Variants in GRM5 observed in about 807,000 individuals in gnomAD.
GRM5 encodes the protein glutamate metabotropic receptor 5, also known as metabotropic glutamate receptor 5.
In GRM5, 19 loss-of-function variants were observed where a neutral mutation model predicts 83.1. The observed-to-expected ratio is 0.23, with a 90% CI of 0.16 to 0.34. The LOEUF (loss-of-function observed/expected upper bound fraction) is 0.34, where lower values mean the gene tolerates loss of function less well. Among genes scored for constraint, GRM5 ranks in the 10% least tolerant of loss-of-function variants. GRM5 has a pLI of 1.00. For missense variants in GRM5, 1,160 were observed against 1,588.3 expected (o/e 0.73, Z 4.58); for synonymous variants, 675 against 633.6 (o/e 1.07, Z -0.98).
At chr11:89,004,027 G>A (rs990983440) in intron 2 of GRM5, among the ~76,000 whole-genome samples, 27 of 152,122 alleles carry the variant, frequency 1.8e-4, no homozygotes, top group African/African-American at 5.8e-4. Context: ...GAACATTGAA[G>A]GGTAGGCAAG....
Position 88,525,302 on chromosome 11 carries a change from T to G in GRM5, c.2726+7A>C. ...ACACCACCTCAGGCCACTCATAGTT[T>G]GCTTACCTGCTCATTGTTGCTCTCC... On this transcript the variant is annotated splice_region_variant and intron_variant, in intron 9 of 9. Transcript: ENST00000305447. 1.9e-6 allele frequency: 3 copies of G among 1,544,258 alleles called. No individual in the cohort carries two copies. The highest frequency in any genetic ancestry group is 2.7e-6 in the Non-Finnish European group (3 of 1,116,952).
chr11:88,934,208 GAA>G (rs1358817026), intron 2 of GRM5, among the ~76,000 whole-genome samples: 4 of 151,772 alleles, frequency 2.6e-5, no homozygotes, highest in African/African-American at 9.7e-5. Flanking sequence ...TTTTAATACA[GAA>G]AGATTTTCAA....
chr11:88,942,951 G>T (rs183111912), intron 2 of GRM5, among the ~76,000 whole-genome samples: 1 of 152,116 alleles, frequency 6.6e-6, no homozygotes, highest in East Asian at 1.9e-4. Flanking sequence ...CATCTATCAA[G>T]CAAGCAACTT....
chr11:88,833,339 CA>C (rs1176130527), intron 3 of GRM5, among the ~76,000 whole-genome samples: 2 of 151,918 alleles, frequency 1.3e-5, no homozygotes, highest in African/African-American at 2.4e-5. Context: ...CATGAACAGA[CA>C]TTTCTCAAAG....
At chr11:88,510,700 G>A (rs553748013) in intron 9 of GRM5, among the ~76,000 whole-genome samples, 1 of 152,282 alleles carries the variant, frequency 6.6e-6, no homozygotes, top group East Asian at 1.9e-4. Context: ...ATTTTTAGTA[G>A]ATACGGGGTT....
At chr11:88,848,579 A>G (rs1272113891) in intron 3 of GRM5, among the ~76,000 whole-genome samples, 1 of 152,234 alleles carries the variant, frequency 6.6e-6, no homozygotes, top group Non-Finnish European at 1.5e-5. Context: ...ATAAAAAGAT[A>G]TATGGTACAT....
intron 5 of GRM5, among the ~76,000 whole-genome samples, chr11:88,598,563 A>G (rs1937885952): frequency 6.6e-6 from 1 of 152,100 alleles, no homozygotes; most frequent in Admixed American, 6.6e-5. Flanking sequence ...AATCAAAAAT[A>G]CCAATTTATA....
At chr11:88,806,774 C>G (rs971361037) in intron 3 of GRM5, among the ~76,000 whole-genome samples, 1 of 151,960 alleles carries the variant, frequency 6.6e-6, no homozygotes, top group Non-Finnish European at 1.5e-5. Flanking sequence ...TTTTTGGTAT[C>G]CTGTGAAACT....
chr11:88,643,225 C>T (rs1296427744), intron 4 of GRM5, among the ~76,000 whole-genome samples: 5 of 151,692 alleles, frequency 3.3e-5, no homozygotes, highest in Admixed American at 3.3e-4. Flanking sequence ...CATCATATGG[C>T]CAGAGCAGGA....
chr11:88,943,736 AC>A (rs35308301), intron 2 of GRM5, among the ~76,000 whole-genome samples: 4,528 of 152,128 alleles, frequency 0.03, 82 homozygotes, highest in Middle Eastern at 0.065. Context: ...ATTTGCTTTT[AC>A]CTCAACATAT....
At chr11:88,636,191 C>T (rs1214926660) in intron 4 of GRM5, among the ~76,000 whole-genome samples, 2 of 152,122 alleles carry the variant, frequency 1.3e-5, no homozygotes, top group Non-Finnish European at 2.9e-5. Context: ...CCTTTCCTGA[C>T]CACAGGGAAA....
intron 1 of GRM5, among the ~76,000 whole-genome samples, chr11:89,061,947 T>C (rs1942003658): frequency 6.6e-6 from 1 of 152,184 alleles, no homozygotes; most frequent in African/African-American, 2.4e-5. Flanking sequence ...TAGAGAAAGC[T>C]TTTTCTCTTA....
chr11:88,994,485 A>ATATATATATG (rs1491507869), intron 2 of GRM5, among the ~76,000 whole-genome samples: 6 of 123,478 alleles, frequency 4.9e-5, no homozygotes, highest in African/African-American at 1.5e-4. Context: ...ATATATATAT[A>ATATATATATG]TTACAATTGC....
chr11:88,711,751 C>T (rs982572381), intron 3 of GRM5, among the ~76,000 whole-genome samples: 7 of 151,856 alleles, frequency 4.6e-5, no homozygotes, highest in African/African-American at 1.7e-4. Flanking sequence ...AAAATGCTTC[C>T]TCTCCTGACT....
intron 3 of GRM5, among the ~76,000 whole-genome samples, chr11:88,662,828 A>G (rs748099049): frequency 6.6e-6 from 1 of 152,148 alleles, no homozygotes; most frequent in Non-Finnish European, 1.5e-5. Flanking sequence ...ACTCAAGCCT[A>G]CACCCACAGA....
intron 4 of GRM5, among the ~76,000 whole-genome samples, chr11:88,608,514 A>ATTTTTTTTTTTTTTTTTTTTTTTTTTTTT (rs35701224): frequency 1.0e-5 from 1 of 98,644 alleles, no homozygotes. Context: ...GAAAACAGGG[A>ATTTTTTTTTTTTTTTTTTTTTTTTTTTTT]TTTTTTTTTT....
chr11:88,588,042 AAGAC>A (rs1219700302), intron 7 of GRM5, among the ~76,000 whole-genome samples: 1 of 152,200 alleles, frequency 6.6e-6, no homozygotes, highest in African/African-American at 2.4e-5. Flanking sequence ...GGAAATAAAA[AAGAC>A]AGATCTGTAT....
chr11:88,708,754 G>A (rs2135381668), intron 3 of GRM5, among the ~76,000 whole-genome samples: 1 of 152,164 alleles, frequency 6.6e-6, no homozygotes, highest in South Asian at 2.1e-4. Context: ...GATTTTAGGA[G>A]TAGTAAAGAC....
intron 3 of GRM5, among the ~76,000 whole-genome samples, chr11:88,846,330 G>T (rs1944303203): frequency 2.0e-5 from 3 of 152,272 alleles, no homozygotes; most frequent in African/African-American, 7.2e-5. Flanking sequence ...TGCCATTACT[G>T]TTCAGATTAT....
Sources: allele counts gnomAD v4.1 joint callset (sites outside exome capture counted in the v4.1 genomes callset), GRCh38; gene constraint gnomAD v4.1.1; transcripts MANE v1.5; gene names NCBI Gene and HGNC (gene_info 2026-07-23, HGNC 2026-07-21).